The following OR2C1 variants were observed in gnomAD, a reference collection of about 807,000 sequenced individuals.
OR2C1 encodes olfactory receptor 2C1.
For synonymous variants in OR2C1, 209 were observed against 167.3 expected (o/e 1.25, Z -1.92); for missense variants, 468 against 388.3 (o/e 1.21, Z -1.73).
At chr16:3,337,019 A>G in the OR2C1 span, among the ~76,000 whole-genome samples, 1 of 148,128 alleles carries the variant, frequency 6.8e-6, no homozygotes, top group Non-Finnish European at 1.5e-5. Flanking sequence ...ATGCCTGGCT[A>G]ATTTTTTGTA....
the OR2C1 span, among the ~76,000 whole-genome samples, chr16:3,329,748 C>CTT: frequency 3.2e-3 from 201 of 62,614 alleles, 6 homozygotes; most frequent in African/African-American, 7.8e-3. Context: ...GGCGCCCGGC[C>CTT]TTTTTTTTTT....
At chr16:3,336,067 G>C in the OR2C1 span, among the ~76,000 whole-genome samples, 1 of 152,100 alleles carries the variant, frequency 6.6e-6, no homozygotes, top group South Asian at 2.1e-4. Context: ...GTCATATATG[G>C]ACTTTATTAT....
the OR2C1 span, among the ~76,000 whole-genome samples, chr16:3,348,464 G>T: frequency 6.6e-6 from 1 of 152,152 alleles, no homozygotes; most frequent in Non-Finnish European, 1.5e-5. Flanking sequence ...CTCAGCCTGA[G>T]TTCCTCTATT....
chr16:3,334,013 C>T, the OR2C1 span, among the ~76,000 whole-genome samples: 1 of 152,030 alleles, frequency 6.6e-6, no homozygotes, highest in African/African-American at 2.4e-5. Flanking sequence ...CACTCTGTCA[C>T]CCAGGCTAGA....
chr16:3,337,141 C>G, the OR2C1 span, among the ~76,000 whole-genome samples: 30 of 144,420 alleles, frequency 2.1e-4, no homozygotes, highest in African/African-American at 7.5e-4. Flanking sequence ...AGGCATGAGC[C>G]ATTGTGTCCG....
At chr16:3,342,953 G>C in the OR2C1 span, among the ~76,000 whole-genome samples, 50 of 152,286 alleles carry the variant, frequency 3.3e-4, no homozygotes, top group African/African-American at 1.2e-3. Context: ...GAATTATGCT[G>C]AGTGATAATA....
the OR2C1 span, among the ~76,000 whole-genome samples, chr16:3,339,130 C>G: frequency 5.3e-5 from 8 of 152,094 alleles, no homozygotes; most frequent in African/African-American, 1.9e-4. Context: ...TTGGGTCTGG[C>G]TTCTCTCATT....
upstream of OR2C1, among the ~76,000 whole-genome samples, chr16:3,354,472 G>A (rs1163713083): frequency 6.6e-6 from 1 of 152,056 alleles, no homozygotes; most frequent in African/African-American, 2.4e-5. Context: ...ACTTATTTAA[G>A]CTTAAGTGAA....
chr16:3,356,282 G>C lies in OR2C1; in HGVS notation c.342G>C (p.Leu114=). 6.2e-7 allele frequency: 1 copy of C among 1,613,808 alleles called. No homozygotes were observed. Among genetic ancestry groups the C allele is most frequent in the South Asian group, 1.1e-5 (1 of 91,076 alleles). ...GGCTGGGGGCCACCGAGTGCATCCT[G>C]CTGGTGGTGATGGCATTTGACCGCT... The part of the protein sequence containing the change: ...FLWLGATECI[L]LVVMAFDRYV... Residue 114 remains leucine (L), a synonymous_variant, in exon 1 of 1, where the codon CTG becomes CTC. Coordinates refer to ENST00000304936, the MANE Select transcript of OR2C1 (RefSeq NM_012368.3).
rs1272614232 is a variant in OR2C1 at position 3,356,718 on chromosome 16, C to T, written c.778C>T (p.Leu260=). The T allele has an allele frequency of 5.6e-6, 9 of 1,614,076 alleles. No individual in the cohort carries two copies. Among genetic ancestry groups the T allele is most frequent in the Non-Finnish European group, 7.6e-6 (9 of 1,180,052 alleles). ...LFYGSASYGY[L]LPAKNSKQDQ... is the part of the protein sequence containing the mutation. ...CTATGGCTCAGCCAGCTATGGGTATCTGCTTCCGGCCAAGAACAGCAAACA... is the reference window on the plus strand; with the variant it reads ...CTATGGCTCAGCCAGCTATGGGTATTTGCTTCCGGCCAAGAACAGCAAACA... Residue 260 remains leucine, a synonymous_variant, in exon 1 of 1, where the codon CTG becomes TTG. Transcript: ENST00000304936.
chr16:3,329,524 A>C, the OR2C1 span, among the ~76,000 whole-genome samples: 7 of 151,816 alleles, frequency 4.6e-5, no homozygotes, highest in South Asian at 4.2e-4. Flanking sequence ...ATCTCAGCTC[A>C]CTGCAAGCTC....
chr16:3,349,641 A>T, the OR2C1 span, among the ~76,000 whole-genome samples: 1 of 151,980 alleles, frequency 6.6e-6, no homozygotes, highest in Non-Finnish European at 1.5e-5. Flanking sequence ...CCAGGATATA[A>T]GAGAGAGAGG....
the OR2C1 span, among the ~76,000 whole-genome samples, chr16:3,325,603 C>G: frequency 2.7e-3 from 414 of 150,706 alleles, 2 homozygotes; most frequent in Non-Finnish European, 5.1e-3. Context: ...CACAAACCTT[C>G]AATTCATAAA....
Position 3,356,602 on chromosome 16 carries a change from T to C in OR2C1, c.662T>C (p.Ile221Thr). The C allele has an allele frequency of 6.2e-7, 1 of 1,614,158 alleles. No individual in the cohort carries two copies. The highest frequency in any genetic ancestry group is 1.1e-5 in the South Asian group (1 of 91,090). ...LSIIVISYCL[I>T]AQAVLKIRSA... ...ATCATCGTGATCTCCTACTGCCTCA[T>C]TGCTCAGGCAGTGCTGAAAATCCGC... Residue 221 changes from isoleucine (I) to threonine (T), a missense_variant, in exon 1 of 1, where the codon ATT becomes ACT. Transcript: ENST00000304936.
upstream of OR2C1, among the ~76,000 whole-genome samples, chr16:3,351,651 C>T (rs78821745): frequency 6.6e-6 from 1 of 152,068 alleles, no homozygotes. Context: ...AGGTAAGACC[C>T]TCGGATAAGG....
At chr16:3,350,408 G>GT in the OR2C1 span, among the ~76,000 whole-genome samples, 529 of 144,902 alleles carry the variant, frequency 3.7e-3, 1 homozygote, top group African/African-American at 0.011. Context: ...TTGTTTTTTT[G>GT]TTTTTTTTGT....
chr16:3,330,623 T>G, the OR2C1 span, among the ~76,000 whole-genome samples: 1 of 152,224 alleles, frequency 6.6e-6, no homozygotes, highest in Admixed American at 6.5e-5. Context: ...TGTATGTATG[T>G]GATGATTGAA....
chr16:3,335,850 T>C, the OR2C1 span, among the ~76,000 whole-genome samples: 1 of 152,230 alleles, frequency 6.6e-6, no homozygotes, highest in East Asian at 1.9e-4. Context: ...TGTAAGATCA[T>C]GTCATGTGCA....
At chr16:3,351,601 C>G (rs1201178572), upstream of OR2C1, among the ~76,000 whole-genome samples, 1 of 152,158 alleles carries the variant, frequency 6.6e-6, no homozygotes, top group African/African-American at 2.4e-5. Flanking sequence ...CTCTAAAAAT[C>G]TGTGTACTCC....
Sources: gnomAD v4.1 joint callset for allele counts (sites outside exome capture counted in the v4.1 genomes callset) on GRCh38, gnomAD v4.1.1 for gene constraint, MANE v1.5 for transcripts, NCBI Gene and HGNC (gene_info 2026-07-23, HGNC 2026-07-21) for gene names.